The following MTAP variants were observed in gnomAD, a reference collection of about 807,000 sequenced individuals.
MTAP encodes the protein S-methyl-5'-thioadenosine phosphorylase.
A neutral mutation model predicts 33.6 loss-of-function variants in MTAP; 33 were observed. The ratio of observed to expected loss-of-function variants is 0.98; its 90% CI spans 0.74 to 1.31. The LOEUF is 1.31. MTAP is among the 40% of genes most tolerant of loss of function. MTAP has a pLI of 0.00. For synonymous variants in MTAP, 148 were observed against 125.7 expected, an observed-to-expected ratio of 1.18 and a Z score of -1.19; for missense variants, 367 against 360.0, an observed-to-expected ratio of 1.02 and a Z score of -0.16.
intron 1 of MTAP, among the ~76,000 whole-genome samples, chr9:21,913,556 G>A (rs1818622895): frequency 6.6e-6 from 1 of 152,152 alleles, no homozygotes; most frequent in Admixed American, 6.5e-5. Context: ...AAATGGTGCT[G>A]GGAAAACTGG....
downstream of MTAP, chr9:21,941,091 A>T: frequency 7.6e-6 from 6 of 786,896 alleles, no homozygotes; most frequent in Non-Finnish European, 9.2e-6. Flanking sequence ...TAAAATTTAA[A>T]TTAAATTTTA....
At chr9:21,831,212 A>T (rs1464761992) in intron 4 of MTAP, among the ~76,000 whole-genome samples, 1 of 152,194 alleles carries the variant, frequency 6.6e-6, no homozygotes, top group East Asian at 1.9e-4. Context: ...CAATTTCTAC[A>T]GTTGCTCTTC....
chr9:21,916,053 AGG>A (rs1818682712), intron 1 of MTAP, among the ~76,000 whole-genome samples: 1 of 94,376 alleles, frequency 1.1e-5, no homozygotes, highest in Admixed American at 1.7e-4. Context: ...AAGGAGAGAG[AGG>A]GAGGGAGGGA....
intron 1 of MTAP, among the ~76,000 whole-genome samples, chr9:21,810,082 G>C (rs547548238): frequency 6.6e-6 from 1 of 152,320 alleles, no homozygotes; most frequent in East Asian, 1.9e-4. Flanking sequence ...CACTGTATTA[G>C]TTCGCTAGGC....
At chr9:21,889,175 A>T (rs188629124) in intron 1 of MTAP, among the ~76,000 whole-genome samples, 63 of 152,032 alleles carry the variant, frequency 4.1e-4, no homozygotes, top group African/African-American at 1.4e-3. Context: ...TCATTTTTAA[A>T]AATTTTTTTT....
At chr9:21,872,819 A>G (rs1204284485) in intron 1 of MTAP, among the ~76,000 whole-genome samples, 1 of 152,144 alleles carries the variant, frequency 6.6e-6, no homozygotes. Context: ...CAACTTTTTC[A>G]TGCTTTATGA....
At chr9:21,932,844 CAAG>C (rs952405292), downstream of MTAP, 2 of 152,296 alleles carry the variant, frequency 1.3e-5, no homozygotes, top group Non-Finnish European at 2.9e-5. Flanking sequence ...GGGCAGCAGG[CAAG>C]AAGAACCCGT....
chr9:21,883,928 C>A (rs760864132), intron 1 of MTAP, among the ~76,000 whole-genome samples: 1 of 151,978 alleles, frequency 6.6e-6, no homozygotes, highest in Admixed American at 6.6e-5. Flanking sequence ...TTGTGAAGGT[C>A]ATGTGGGAGC....
chr9:21,883,699 TCTG>T (rs1216884559), intron 1 of MTAP, among the ~76,000 whole-genome samples: 1 of 149,888 alleles, frequency 6.7e-6, no homozygotes, highest in African/African-American at 2.5e-5. Context: ...AAAAAAAAAA[TCTG>T]CTGATGTAGC....
downstream of MTAP, among the ~76,000 whole-genome samples, chr9:21,869,729 C>G (rs1390092666): frequency 6.6e-6 from 1 of 152,170 alleles, no homozygotes; most frequent in Non-Finnish European, 1.5e-5. Context: ...AAGATACTGA[C>G]TATTCCTCAT....
chr9:21,812,297 G>T, intron 1 of MTAP: 1 of 216,148 alleles, frequency 4.6e-6, no homozygotes, highest in Non-Finnish European at 9.6e-6. Context: ...AGGTAGGTGT[G>T]GGCAGCTTTA....
downstream of MTAP, among the ~76,000 whole-genome samples, chr9:21,939,552 G>A (rs1252050873): frequency 6.6e-6 from 1 of 152,082 alleles, no homozygotes; most frequent in Non-Finnish European, 1.5e-5. Flanking sequence ...ATAGTTATAT[G>A]CATAACTGCA....
At chr9:21,904,823 G>A (rs751418488) in intron 1 of MTAP, among the ~76,000 whole-genome samples, 16 of 152,150 alleles carry the variant, frequency 1.1e-4, no homozygotes, top group Non-Finnish European at 2.4e-4. Flanking sequence ...GGTGGAAAAT[G>A]TCCAAAATTG....
intron 5 of MTAP, among the ~76,000 whole-genome samples, chr9:21,839,148 T>G (rs983508132): frequency 2.0e-5 from 3 of 151,166 alleles, no homozygotes; most frequent in Non-Finnish European, 2.9e-5. Context: ...TTCTCTGACT[T>G]CTAGGAAAGT....
Position 21,859,557 on chromosome 9 carries a change from C to G in MTAP, c.813+132C>G. On this transcript the variant is annotated intron_variant, in intron 7 of 7. Transcript: ENST00000644715. ...TGTTTTCAACAAGTTTTTGTGACAT[C>G]TACTACTACCATACCAACCACTTGT... 4.0e-6 allele frequency: 4 copies of G among 1,007,100 alleles called. No individual in the cohort carries two copies. In the South Asian group the frequency reaches 7.9e-5, roughly 20 times the overall value. 62.4% of individuals were successfully genotyped at this position (1,007,100 alleles called of 1,614,324 possible). A position where few individuals can be genotyped will look rare whatever the true frequency, so the allele number is the denominator to read the frequency against.
In MTAP at chr9:21,898,019, G is replaced by A. The variant is rs570805885; in HGVS notation, c.148-32989G>A. On this transcript the variant is annotated intron_variant, in intron 1 of 1. Transcript: ENST00000577563. ...ACAGTAACCAAAACAGCATGGTACT[G>A]GTACCAAAACAGAGATATAGACCAA... Among the ~76,000 whole-genome samples the A allele has an allele frequency of 1.6e-4, 24 of 152,258 alleles. No individual in the cohort carries two copies. The South Asian group carries it at 4.6e-3, about 29-fold the overall frequency.
At position 21,863,986 on chromosome 9, in the gene MTAP, C is replaced by G; in HGVS notation, c.*1972C>G. 1 of 985,718 alleles carries G rather than the reference C, an allele frequency of 1.0e-6. No homozygotes were observed. The highest frequency in any genetic ancestry group is 1.2e-6 in the Non-Finnish European group (1 of 829,906). The allele number at this position is 985,718 out of a possible 1,614,324, so 61.1% of individuals were successfully genotyped here. ...CTGTAGAGAACTTAATGAACCTGAA[C>G]CCAGGCTTCTCTAGCTCTGGTAACG... is the stretch of plus-strand genomic sequence containing the variant. On this transcript the variant is annotated 3_prime_UTR_variant, in exon 8 of 8. Coordinates refer to ENST00000644715, the MANE Select transcript of MTAP (RefSeq NM_002451.4).
At position 21,864,277 on chromosome 9, in the gene MTAP, C is replaced by T. The variant is rs1403134017; in HGVS notation, c.*2263C>T. On this transcript the variant is annotated 3_prime_UTR_variant, in exon 8 of 8. Coordinates refer to ENST00000644715, the MANE Select transcript of MTAP (RefSeq NM_002451.4). ...CCTTATGCAAAGCCAATATAATTTT[C>T]CTCATACCTTATGCTTGAGGATATT... The T allele has an allele frequency of 2.0e-6, 2 of 985,250 alleles. No homozygotes were observed. Among genetic ancestry groups the T allele is most frequent in the African/African-American group, 1.7e-5 (1 of 57,214 alleles). 61.0% of individuals were successfully genotyped at this position (985,250 alleles called of 1,614,324 possible). A position where few individuals can be genotyped will look rare whatever the true frequency, so the allele number is the denominator to read the frequency against.
intron 1 of MTAP, chr9:21,811,852 G>C: frequency 2.3e-6 from 1 of 444,146 alleles, no homozygotes; most frequent in Non-Finnish European, 4.5e-6. Context: ...TGTTGCCAGT[G>C]AAGGTGGCCG....
Sources: allele counts gnomAD v4.1 joint callset (sites outside exome capture counted in the v4.1 genomes callset), GRCh38; gene constraint gnomAD v4.1.1; transcripts MANE v1.5; gene names NCBI Gene and HGNC (gene_info 2026-07-23, HGNC 2026-07-21).